PCDHA4: variants seen among roughly 807,000 people sequenced by gnomAD.
PCDHA4 encodes protocadherin alpha 4.
In PCDHA4, 49 loss-of-function variants were observed where a neutral mutation model predicts 61.4. The ratio of observed to expected loss-of-function variants is 0.80; its 90% confidence interval spans 0.63 to 1.01. The LOEUF is 1.01. Ranked by LOEUF, PCDHA4 falls within the 50% of genes least tolerant of loss-of-function variation. PCDHA4 has a pLI of 0.00. For synonymous variants in PCDHA4, 590 were observed against 550.3 expected (o/e 1.07, Z -1.01); for missense variants, 1,254 against 1,235.8 (o/e 1.01, Z -0.22).
At chr5:140,911,021 G>A (rs1340465729) in intron 1 of PCDHA4, among the ~76,000 whole-genome samples, 2 of 152,066 alleles carry the variant, frequency 1.3e-5, no homozygotes, top group African/African-American at 4.8e-5. Context: ...CTTTAGTCTA[G>A]TTATAGGTCT....
chr5:140,971,580 T>C (rs1028418438), intron 1 of PCDHA4, among the ~76,000 whole-genome samples: 9 of 152,154 alleles, frequency 5.9e-5, no homozygotes, highest in African/African-American at 2.2e-4. Context: ...TTTCTTTTTT[T>C]CCTACCTAGT....
At chr5:141,008,425 A>G (rs1195605563) in intron 3 of PCDHA4, among the ~76,000 whole-genome samples, 2 of 152,172 alleles carry the variant, frequency 1.3e-5, no homozygotes, top group East Asian at 1.9e-4. Context: ...CACTGGGATC[A>G]CTTTGCCCAG....
Position 140,809,099 on chromosome 5 carries a change from G to T in PCDHA4, c.1912G>T (p.Asp638Tyr). 1 of 1,613,982 alleles carries T rather than the reference G, an allele frequency of 6.2e-7. No homozygotes were observed. The highest frequency in any genetic ancestry group is 1.1e-5 in the South Asian group (1 of 91,088). Reference sequence around the variant, plus strand: ...CGAGATCAGCACAACGCGTGCCCTGGACGAAACGGACGCTCCGCGCCACCG... The same window carrying T: ...CGAGATCAGCACAACGCGTGCCCTGTACGAAACGGACGCTCCGCGCCACCG... Reference protein sequence around the residue: ...TGEISTTRALDETDAPRHRLL... With the variant: ...TGEISTTRALYETDAPRHRLL... Residue 638 changes from aspartate (D) to tyrosine (Y), a missense_variant, in exon 1 of 4, where the codon GAC (aspartate) becomes TAC (tyrosine). Transcript: ENST00000530339.
intron 1 of PCDHA4, among the ~76,000 whole-genome samples, chr5:140,944,779 T>C (rs1022054674): frequency 6.6e-6 from 1 of 152,228 alleles, no homozygotes; most frequent in African/African-American, 2.4e-5. Flanking sequence ...CCTCCTGTTA[T>C]TGTATTTTAC....
intron 1 of PCDHA4, chr5:140,811,944 G>A (rs1554125857): frequency 1.3e-5 from 2 of 151,960 alleles, no homozygotes; most frequent in Non-Finnish European, 2.9e-5. Context: ...CTCCCATTCT[G>A]TAGGTTGCCT....
At chr5:140,909,747 G>T (rs1554193902) in intron 1 of PCDHA4, among the ~76,000 whole-genome samples, 1 of 152,146 alleles carries the variant, frequency 6.6e-6, no homozygotes, top group East Asian at 1.9e-4. Context: ...CTGGGGAAAT[G>T]ACCACAGGAT....
In PCDHA4 at chr5:140,848,578, G is replaced by A. The variant is rs148489343; in HGVS notation, c.2385+39006G>A. On this transcript the variant is annotated intron_variant, in intron 1 of 3. Transcript: ENST00000530339. ...ATCCTCGCAATGTGGGTGGTGGGGA[G>A]CGGCCAGCTCCACTACTCCGTCCCG... 4 of 1,595,522 alleles carry A rather than the reference G, an allele frequency of 2.5e-6. 1 individual carries two copies. In the African/African-American group the frequency reaches 4.0e-5, roughly 16 times the overall value.
intron 1 of PCDHA4, chr5:140,870,319 T>G (rs782623881): frequency 3.7e-6 from 6 of 1,614,162 alleles, no homozygotes; most frequent in Non-Finnish European, 5.1e-6. Flanking sequence ...TTACTACTCG[T>G]TGGTGCTGGA....
At chr5:140,914,710 G>GT (rs1554196543) in intron 1 of PCDHA4, among the ~76,000 whole-genome samples, 1 of 151,256 alleles carries the variant, frequency 6.6e-6, no homozygotes, top group Non-Finnish European at 1.5e-5. Context: ...TTAATTTCTT[G>GT]TTTTTTATTT....
chr5:140,991,748 T>C (rs1192231997), intron 3 of PCDHA4, among the ~76,000 whole-genome samples: 4 of 152,224 alleles, frequency 2.6e-5, no homozygotes, highest in Non-Finnish European at 4.4e-5. Flanking sequence ...AGGCTCTTTC[T>C]ATCATGCTCT....
rs112338455 is a variant in PCDHA4 at position 140,903,390 on chromosome 5, A to G, written c.2386-75559A>G. ...TATAGGGAGGATTGTGGTTACTTCT[A>G]GAAACAGTAGTGCAGTCAGGAAAAA... On this transcript the variant is annotated intron_variant, in intron 1 of 3. Coordinates refer to ENST00000530339, the MANE Select transcript of PCDHA4 (RefSeq NM_018907.4). Among the ~76,000 whole-genome samples the G allele has an allele frequency of 4.3e-3, 662 of 152,354 alleles. 6 individuals are homozygous for G. Among genetic ancestry groups the G allele is most frequent in the African/African-American group, 0.015 (618 of 41,596 alleles).
chr5:140,822,736 G>A, intron 1 of PCDHA4: 1 of 1,613,386 alleles, frequency 6.2e-7, no homozygotes, highest in Non-Finnish European at 8.5e-7. Context: ...TAATATTGAT[G>A]CCATGGATAA....
intron 1 of PCDHA4, among the ~76,000 whole-genome samples, chr5:140,872,037 G>T (rs1554166004): frequency 1.3e-5 from 2 of 152,238 alleles, no homozygotes; most frequent in African/African-American, 2.4e-5. Context: ...TAAGCTCAAA[G>T]AATTCTCCCA....
At chr5:140,830,106 G>C (rs150521839) in intron 1 of PCDHA4, 22 of 1,613,500 alleles carry the variant, frequency 1.4e-5, no homozygotes, top group Non-Finnish European at 1.8e-5. Context: ...CTGGTGGAGA[G>C]TGGCCAGGCT....
intron 1 of PCDHA4, chr5:140,861,340 C>T (rs1364602007): frequency 3.6e-6 from 1 of 276,532 alleles, no homozygotes; most frequent in African/African-American, 2.2e-5. Context: ...TGGAAGAGGC[C>T]AAGGACGGCA....
rs782141223 is a variant in PCDHA4, at chr5:140,929,191, AAC to A, written c.2386-49756_2386-49755del. On this transcript the variant is annotated intron_variant, in intron 1 of 3. Transcript: ENST00000530339. ...CTCTCTGGGACTTGGTTCTGATAAT[AAC>A]AGTTTGCTGTTGCGTGGGGAGTACA... is the stretch of plus-strand genomic sequence containing the variant. 3.1e-6 allele frequency: 5 copies of A among 1,614,000 alleles called. No homozygotes were observed. In the African/African-American group the frequency reaches 6.7e-5, roughly 22 times the overall value.
intron 1 of PCDHA4, chr5:140,843,171 G>C: frequency 6.3e-7 from 1 of 1,596,072 alleles, no homozygotes; most frequent in Non-Finnish European, 8.6e-7. Context: ...GCTGCAAGCA[G>C]CCCTCGCATC....
chr5:140,829,438 T>G, intron 1 of PCDHA4: 1 of 1,613,992 alleles, frequency 6.2e-7, no homozygotes, highest in Non-Finnish European at 8.5e-7. Flanking sequence ...CCGACATGAA[T>G]GACAATGCTC....
intron 1 of PCDHA4, chr5:140,843,091 G>C: frequency 6.3e-7 from 1 of 1,595,616 alleles, no homozygotes; most frequent in Non-Finnish European, 8.6e-7. Context: ...CGGGCCACGT[G>C]GTAGCGAAGG....
Sources: gnomAD v4.1 joint callset for allele counts (sites outside exome capture counted in the v4.1 genomes callset) on GRCh38, gnomAD v4.1.1 for gene constraint, MANE v1.5 for transcripts, NCBI Gene and HGNC (gene_info 2026-07-23, HGNC 2026-07-21) for gene names.